Variants in TXNDC16 observed in about 807,000 individuals in gnomAD.
TXNDC16 encodes thioredoxin domain-containing protein 16.
In TXNDC16, 74 loss-of-function variants were observed where a neutral mutation model predicts 85.6. That is an observed-to-expected ratio of 0.86 (90% CI 0.72 to 1.05). The LOEUF (loss-of-function observed/expected upper bound fraction) is 1.05, where lower values mean the gene tolerates loss of function less well. TXNDC16 is among the 50% of genes least tolerant of loss of function. TXNDC16 has a pLI of 0.00. For missense variants in TXNDC16, 959 were observed against 947.0 expected, an observed-to-expected ratio of 1.01 and a Z score of -0.17; for synonymous variants, 335 against 326.5, an observed-to-expected ratio of 1.03 and a Z score of -0.28.
At chr14:52,477,730 G>A (rs1272486352) in intron 14 of TXNDC16, among the ~76,000 whole-genome samples, 2 of 152,118 alleles carry the variant, frequency 1.3e-5, no homozygotes, top group African/African-American at 4.8e-5. Flanking sequence ...ATAATAGTGG[G>A]AGACTTCAAT....
chr14:52,456,132 T>C (rs918887627), intron 17 of TXNDC16, among the ~76,000 whole-genome samples: 12 of 152,246 alleles, frequency 7.9e-5, no homozygotes, highest in Non-Finnish European at 1.8e-4. Context: ...GAAGTAGTCA[T>C]GTATAATAAC....
intron 9 of TXNDC16, among the ~76,000 whole-genome samples, chr14:52,495,908 C>A (rs1000821749): frequency 6.6e-6 from 1 of 152,090 alleles, no homozygotes; most frequent in Non-Finnish European, 1.5e-5. Context: ...GCCTGTAATC[C>A]CAGCACTTTG....
intron 9 of TXNDC16, among the ~76,000 whole-genome samples, chr14:52,507,065 G>A (rs567203252): frequency 6.6e-6 from 1 of 152,200 alleles, no homozygotes; most frequent in East Asian, 1.9e-4. Flanking sequence ...TCTGTCCAGG[G>A]CAATCAGGAA....
At chr14:52,522,527 A>G (rs1455078383) in intron 6 of TXNDC16, among the ~76,000 whole-genome samples, 2 of 152,232 alleles carry the variant, frequency 1.3e-5, no homozygotes, top group African/African-American at 4.8e-5. Flanking sequence ...AGAACAAGGA[A>G]CAGTAAAGAA....
intron 20 of TXNDC16, among the ~76,000 whole-genome samples, chr14:52,438,654 T>C (rs116099336): frequency 1.8e-3 from 269 of 152,354 alleles, no homozygotes; most frequent in African/African-American, 6.1e-3. Context: ...TGCTTTATTG[T>C]GGTGGTCTCA....
intron 14 of TXNDC16, among the ~76,000 whole-genome samples, chr14:52,475,708 C>T (rs187752863): frequency 4.6e-5 from 7 of 152,252 alleles, no homozygotes; most frequent in African/African-American, 1.7e-4. Flanking sequence ...CCTAGCCCTG[C>T]CCCCATCTAA....
intron 16 of TXNDC16, among the ~76,000 whole-genome samples, chr14:52,459,752 T>C (rs961857397): frequency 6.6e-6 from 1 of 152,142 alleles, no homozygotes; most frequent in East Asian, 1.9e-4. Context: ...GGATGCAAGG[T>C]TAGTTCAACA....
chr14:52,530,202 T>A, intron 6 of TXNDC16, among the ~76,000 whole-genome samples: 1 of 74,204 alleles, frequency 1.3e-5, no homozygotes, highest in Non-Finnish European at 2.2e-5. Flanking sequence ...TTTATATATA[T>A]TATATTATAC....
intron 9 of TXNDC16, among the ~76,000 whole-genome samples, chr14:52,507,193 G>A (rs572727323): frequency 0.031 from 4,722 of 152,164 alleles, 223 homozygotes; most frequent in African/African-American, 0.11. Flanking sequence ...ATCTCCTTAA[G>A]CTGATAGGCA....
At chr14:52,484,561 G>A (rs573068742) in intron 12 of TXNDC16, among the ~76,000 whole-genome samples, 3 of 152,210 alleles carry the variant, frequency 2.0e-5, no homozygotes, top group Non-Finnish European at 2.9e-5. Context: ...GGTGATGCTG[G>A]TGTAAACAAA....
chr14:52,472,334 A>C (rs2035926743), intron 14 of TXNDC16, among the ~76,000 whole-genome samples: 1 of 151,994 alleles, frequency 6.6e-6, no homozygotes. Flanking sequence ...AGTAGCTGGG[A>C]CGACAGGCAC....
intron 6 of TXNDC16, among the ~76,000 whole-genome samples, chr14:52,528,178 C>T (rs952036681): frequency 2.0e-5 from 3 of 152,020 alleles, no homozygotes; most frequent in South Asian, 2.1e-4. Context: ...TTTCTGCTGA[C>T]GAAGTAGCAA....
intron 14 of TXNDC16, among the ~76,000 whole-genome samples, chr14:52,472,617 A>G (rs1391267213): frequency 2.6e-5 from 4 of 152,244 alleles, no homozygotes; most frequent in Non-Finnish European, 5.9e-5. Context: ...AAATTCTTAC[A>G]TTAAAGGATA....
chr14:52,496,965 C>A (rs17253096), intron 9 of TXNDC16, among the ~76,000 whole-genome samples: 13,070 of 151,846 alleles, frequency 0.086, 619 homozygotes, highest in East Asian at 0.14. Flanking sequence ...CACAAATGTC[C>A]TTGATAGGCA....
At chr14:52,462,367 T>G (rs2035672278) in intron 16 of TXNDC16, among the ~76,000 whole-genome samples, 1 of 152,198 alleles carries the variant, frequency 6.6e-6, no homozygotes, top group Non-Finnish European at 1.5e-5. Context: ...CCAGACTGAG[T>G]GCAGTGGCAC....
At chr14:52,456,891 T>A (rs889769746) in intron 17 of TXNDC16, among the ~76,000 whole-genome samples, 199 bp downstream of exon 17, 3 of 152,066 alleles carry the variant, frequency 2.0e-5, no homozygotes, top group Non-Finnish European at 4.4e-5. Flanking sequence ...CCCCATGGGG[T>A]CTTTGGTCTA....
chr14:52,520,727 TAGGC>T (rs761356420), intron 6 of TXNDC16, among the ~76,000 whole-genome samples: 11 of 152,228 alleles, frequency 7.2e-5, no homozygotes, highest in Non-Finnish European at 1.3e-4. Context: ...GTATTTTTGA[TAGGC>T]TAAACTTCAA....
intron 12 of TXNDC16, 149 bp downstream of exon 12, chr14:52,488,213 TA>T: frequency 1.1e-6 from 1 of 915,076 alleles, no homozygotes; most frequent in Non-Finnish European, 1.7e-6. Flanking sequence ...ATCAACTTGA[TA>T]AAATGTGGTT....
At chr14:52,539,656 G>C (rs576110036) in intron 4 of TXNDC16, among the ~76,000 whole-genome samples, 1 of 152,210 alleles carries the variant, frequency 6.6e-6, no homozygotes, top group African/African-American at 2.4e-5. Context: ...AGAGATGGCA[G>C]GAAGAAGTAA....
Sources: allele counts gnomAD v4.1 joint callset (sites outside exome capture counted in the v4.1 genomes callset), GRCh38; gene constraint gnomAD v4.1.1; transcripts MANE v1.5; gene names NCBI Gene and HGNC (gene_info 2026-07-23, HGNC 2026-07-21).